HNF1B: variants seen among roughly 807,000 people sequenced by gnomAD.
HNF1B encodes the protein hepatocyte nuclear factor 1-beta.
A neutral mutation model predicts 61.7 loss-of-function variants in HNF1B; 8 were observed. The ratio of observed to expected loss-of-function variants is 0.13; its 90% CI spans 0.08 to 0.23. The LOEUF (loss-of-function observed/expected upper bound fraction) is 0.23, where lower values mean the gene tolerates loss of function less well. Among genes scored for constraint, HNF1B ranks in the 10% least tolerant of loss-of-function variants. HNF1B has a pLI of 1.00. For synonymous variants in HNF1B, 314 were observed against 287.7 expected, an observed-to-expected ratio of 1.09 and a Z score of -0.93; for missense variants, 562 against 714.5, an observed-to-expected ratio of 0.79 and a Z score of 2.43.
Position 37,744,683 on chromosome 17 carries a change from C to T in HNF1B, c.202G>A (p.Gly68Ser). 1 of 1,613,510 alleles carries T rather than the reference C, an allele frequency of 6.2e-7. No homozygotes were observed. The highest frequency in any genetic ancestry group is 8.5e-7 in the Non-Finnish European group (1 of 1,180,022). The change falls in exon 1 of 9, where the codon GGC (glycine) becomes AGC (serine). Residue 68 changes from glycine to serine, a missense_variant. Gly to Ser is a moderately conservative substitution (Grantham distance 56). Around this residue, in one of 6 missense-constraint regions of HNF1B, gnomAD observed 148 missense variants for 147.3 expected, o/e 1.00. Transcript: ENST00000617811. The stretch of plus-strand genomic sequence containing the variant: ...CCGGACAAGCGGCCCTTGGCGTGGC[C>T]GTTGGTGAGAGTATGGAAGACCGGC... ...TKPVFHTLTN[G>S]HAKGRLSGDE...
At chr17:37,742,567 G>A (rs892778909) in intron 1 of HNF1B, among the ~76,000 whole-genome samples, 1 of 152,136 alleles carries the variant, frequency 6.6e-6, no homozygotes, top group South Asian at 2.1e-4. Context: ...CGGGAGCGGG[G>A]GAGGAAAGGC....
In HNF1B at chr17:37,733,608, T is replaced by A; in HGVS notation, c.758A>T (p.Gln253Leu). ...TCTCTCTTCCTTGCTGGGGTTCTTTTGCCGATCGTAGGCCTGGTACAAGAT... is the reference window on the plus strand; with the variant it reads ...TCTCTCTTCCTTGCTGGGGTTCTTTAGCCGATCGTAGGCCTGGTACAAGAT... ...QQILYQAYDR[Q>L]KNPSKEEREA... The change falls in exon 3 of 9, where the codon CAA becomes CTA. Residue 253 changes from glutamine (Q) to leucine (L), a missense_variant. Gln to Leu is a moderately radical substitution (Grantham distance 113). This residue lies in a region of HNF1B where 54 missense variants were observed against 122.1 expected (regional missense o/e 0.44). Coordinates refer to ENST00000617811, the MANE Select transcript of HNF1B (RefSeq NM_000458.4). 6.2e-7 allele frequency: 1 copy of A among 1,614,202 alleles called. No homozygotes were observed. The highest frequency in any genetic ancestry group is 8.5e-7 in the Non-Finnish European group (1 of 1,180,044).
At chr17:37,699,515 G>A (rs1039706149) in intron 7 of HNF1B, among the ~76,000 whole-genome samples, 44 of 152,200 alleles carry the variant, frequency 2.9e-4, no homozygotes, top group African/African-American at 1.0e-3. Context: ...TCTCATGCAG[G>A]GAGGCAGGTT....
At chr17:37,719,983 C>A (rs1003424062) in intron 4 of HNF1B, among the ~76,000 whole-genome samples, 5 of 152,130 alleles carry the variant, frequency 3.3e-5, no homozygotes, top group African/African-American at 1.2e-4. Context: ...ATCATTATCA[C>A]CATCATCATC....
At chr17:37,698,462 T>G (rs551441318) in intron 8 of HNF1B, among the ~76,000 whole-genome samples, 1 of 152,178 alleles carries the variant, frequency 6.6e-6, no homozygotes, top group South Asian at 2.1e-4. Flanking sequence ...AGCCTCTGGA[T>G]TCCCCACTTT....
chr17:37,701,657 C>A (rs2032576371), intron 6 of HNF1B, among the ~76,000 whole-genome samples: 1 of 152,196 alleles, frequency 6.6e-6, no homozygotes, highest in South Asian at 2.1e-4. Flanking sequence ...AAACAACTTC[C>A]ATAGTCCCGG....
intron 3 of HNF1B, 133 bp from the exon 4 acceptor site, chr17:37,731,963 G>A: frequency 1.5e-6 from 1 of 651,090 alleles, no homozygotes; most frequent in Non-Finnish European, 2.7e-6. Flanking sequence ...GAAGGCTGGG[G>A]AGGAGAGGCC....
rs776195231 is a variant in HNF1B at position 37,739,442 on chromosome 17, C to T, written c.542G>A (p.Arg181Gln). ...WYVRKQREIL[R>Q]QFNQTVQSSG... The stretch of plus-strand genomic sequence containing the variant: ...AGAGGCAGGATGAAAACACTTACGT[C>T]GGAGGATCTCTCGTTGCTTTCTGAC... Residue 181 changes from arginine to glutamine, a missense_variant and splice_region_variant, in exon 2 of 9, where the codon CGA becomes CAA. Arg to Gln is a conservative substitution (Grantham distance 43, BLOSUM62 1). Around this residue, in one of 6 missense-constraint regions of HNF1B, gnomAD observed 69 missense variants for 81.2 expected, o/e 0.85. Transcript: ENST00000617811. 13 of 1,613,918 alleles carry T rather than the reference C, an allele frequency of 8.1e-6. No homozygotes were observed. The highest frequency in any genetic ancestry group is 5.5e-5 in the South Asian group (5 of 91,090).
At chr17:37,703,334 A>C (rs1220303956) in intron 6 of HNF1B, among the ~76,000 whole-genome samples, 1 of 152,218 alleles carries the variant, frequency 6.6e-6, no homozygotes, top group African/African-American at 2.4e-5. Context: ...GAAATGATAG[A>C]GAAATATGAG....
At chr17:37,736,118 A>T (rs1044611927) in intron 2 of HNF1B, among the ~76,000 whole-genome samples, 3 of 152,186 alleles carry the variant, frequency 2.0e-5, no homozygotes, top group Non-Finnish European at 4.4e-5. Flanking sequence ...TTGACTTCAC[A>T]GCAGCTCTCT....
intron 4 of HNF1B, among the ~76,000 whole-genome samples, chr17:37,722,667 G>A (rs2033354633): frequency 2.0e-5 from 3 of 152,176 alleles, no homozygotes; most frequent in Admixed American, 2.0e-4. Context: ...CTTCCCAAAA[G>A]CATTGGAAGC....
chr17:37,725,222 T>C lies in HNF1B; in HGVS notation c.1045+6373A>G, dbSNP rs1409207748. ...GCTGTGTGCTTGCAGGCAGCTTCCTTCCTCCTCAGAGCTCACTGGAGGCGG... is the reference window on the plus strand; with the variant it reads ...GCTGTGTGCTTGCAGGCAGCTTCCTCCCTCCTCAGAGCTCACTGGAGGCGG... On this transcript the variant is annotated intron_variant, in intron 4 of 8. Transcript: ENST00000617811. 2.0e-5 allele frequency among the ~76,000 whole-genome samples: 3 copies of C among 152,118 alleles called. No individual in the cohort carries two copies. In the East Asian group the frequency reaches 5.8e-4, roughly 29 times the overall value.
intron 8 of HNF1B, among the ~76,000 whole-genome samples, chr17:37,696,481 C>T (rs1041146960): frequency 1.3e-5 from 2 of 152,134 alleles, no homozygotes; most frequent in African/African-American, 4.8e-5. Context: ...CAGGGCAGGG[C>T]CTCTCCCTTC....
At chr17:37,709,930 TC>T (rs1320453498) in intron 5 of HNF1B, among the ~76,000 whole-genome samples, 24 of 152,276 alleles carry the variant, frequency 1.6e-4, no homozygotes, top group African/African-American at 5.3e-4. Context: ...TGTTTCTCCC[TC>T]CCTAAGCATC....
intron 4 of HNF1B, among the ~76,000 whole-genome samples, chr17:37,713,781 T>C (rs748591571): frequency 6.6e-6 from 1 of 152,150 alleles, no homozygotes; most frequent in Non-Finnish European, 1.5e-5. Flanking sequence ...CAGCCCCAGA[T>C]CCACCTGCAG....
chr17:37,732,533 G>A (rs2033717804), intron 3 of HNF1B, among the ~76,000 whole-genome samples: 1 of 152,220 alleles, frequency 6.6e-6, no homozygotes, highest in South Asian at 2.1e-4. Flanking sequence ...TCTTCCCACA[G>A]CCAAGGCCAG....
intron 6 of HNF1B, among the ~76,000 whole-genome samples, chr17:37,703,514 G>A (rs2032639459): frequency 6.6e-6 from 1 of 152,080 alleles, no homozygotes; most frequent in South Asian, 2.1e-4. Context: ...GAAATAAGTG[G>A]AATATCTTCC....
chr17:37,716,842 A>ATCTCTCTC (rs55634127), intron 4 of HNF1B, among the ~76,000 whole-genome samples: 1,361 of 131,138 alleles, frequency 0.01, 14 homozygotes, highest in South Asian at 0.014. Context: ...CACTTTAACA[A>ATCTCTCTC]TCTCTCTCTC....
At chr17:37,733,209 T>C (rs530491310) in intron 3 of HNF1B, among the ~76,000 whole-genome samples, 1 of 152,254 alleles carries the variant, frequency 6.6e-6, no homozygotes, top group Admixed American at 6.5e-5. Context: ...AAATTAGCAT[T>C]CTCCAGAGTA....
Sources: gnomAD v4.1 joint callset for allele counts (sites outside exome capture counted in the v4.1 genomes callset) on GRCh38, gnomAD v4.1.1 for gene constraint, gnomAD v4.1.1 regional missense constraint, MANE v1.5 for transcripts, NCBI Gene and HGNC (gene_info 2026-07-23, HGNC 2026-07-21) for gene names.